The following AFAP1 variants were observed in gnomAD, a reference collection of about 807,000 sequenced individuals.
AFAP1 encodes the protein actin filament associated protein 1.
A neutral mutation model predicts 93.9 loss-of-function variants in AFAP1; 75 were observed. The observed-to-expected ratio is 0.80, with a 90% CI of 0.66 to 0.97. The LOEUF (loss-of-function observed/expected upper bound fraction) is 0.97. AFAP1 is among the 50% of genes least tolerant of loss of function. The pLI is 0.00. For missense variants in AFAP1, 1,201 were observed against 1,050.8 expected (o/e 1.14, Z -1.98); for synonymous variants, 517 against 430.7 (o/e 1.20, Z -2.48).
chr4:7,803,251 T>C (rs1719214778), intron 9 of AFAP1, among the ~76,000 whole-genome samples: 1 of 152,176 alleles, frequency 6.6e-6, no homozygotes, highest in Non-Finnish European at 1.5e-5. Flanking sequence ...TGCCCAAAAA[T>C]GGCTTCTGAA....
At chr4:7,809,911 T>C (rs887148549) in intron 8 of AFAP1, 148 bp from the exon 9 acceptor site, 27 of 921,866 alleles carry the variant, frequency 2.9e-5, no homozygotes, top group Non-Finnish European at 4.1e-5. Context: ...CTGGCTGGAG[T>C]GCAGTGTTGT....
At chr4:7,913,438 G>T (rs1207689228) in intron 1 of AFAP1, among the ~76,000 whole-genome samples, 1 of 151,808 alleles carries the variant, frequency 6.6e-6, no homozygotes, top group Non-Finnish European at 1.5e-5. Context: ...TTAAAGATGG[G>T]TATTGTCTTT....
At position 7,939,266 on chromosome 4, in the gene AFAP1, G is replaced by C. The variant is rs556299219; in HGVS notation, c.-3+390C>G. 1 of 309,198 alleles carries C rather than the reference G, an allele frequency of 3.2e-6. No individual in the cohort carries two copies. The highest frequency in any genetic ancestry group is 2.4e-5 in the South Asian group (1 of 40,986). 19.2% of individuals were successfully genotyped at this position (309,198 alleles called of 1,614,324 possible). On this transcript the variant is annotated intron_variant, in intron 1 of 17. Coordinates refer to ENST00000420658, the MANE Select transcript of AFAP1 (RefSeq NM_001134647.2). The surrounding 1 kb of genome is among the most constrained non-coding windows in gnomAD (Gnocchi z 5.6). Reference sequence around the variant, plus strand: ...AGTCGGACGAAGCAGTCTCGCTACGGGGGAGGGCGGCGGAGCCTCCCACTC... The same window carrying C: ...AGTCGGACGAAGCAGTCTCGCTACGCGGGAGGGCGGCGGAGCCTCCCACTC...
chr4:7,873,297 G>A (rs1456105810), intron 1 of AFAP1, among the ~76,000 whole-genome samples: 1 of 133,048 alleles, frequency 7.5e-6, no homozygotes, highest in African/African-American at 2.8e-5. Context: ...TGAGAAAGCA[G>A]TAAAAAATAA....
At chr4:7,846,248 C>T (rs995888987) in intron 4 of AFAP1, among the ~76,000 whole-genome samples, 40 of 152,158 alleles carry the variant, frequency 2.6e-4, no homozygotes, top group African/African-American at 9.4e-4. Flanking sequence ...ACACAGATGG[C>T]TTCTTTATGA....
chr4:7,825,569 CG>C (rs552711056), intron 6 of AFAP1, among the ~76,000 whole-genome samples: 131 of 151,982 alleles, frequency 8.6e-4, no homozygotes, highest in African/African-American at 3.0e-3. Flanking sequence ...AATATCAAAA[CG>C]TAGAGGGTGC....
chr4:7,871,408 A>T (rs1717026556), intron 2 of AFAP1, among the ~76,000 whole-genome samples: 1 of 152,208 alleles, frequency 6.6e-6, no homozygotes, highest in Non-Finnish European at 1.5e-5. Flanking sequence ...GGGTGCCTAG[A>T]GGACCGGACC....
intron 12 of AFAP1, among the ~76,000 whole-genome samples, chr4:7,785,880 T>C (rs1345989074): frequency 6.6e-6 from 1 of 152,140 alleles, no homozygotes; most frequent in Non-Finnish European, 1.5e-5. Flanking sequence ...TGAGCTATAG[T>C]GAGTTGTGAC....
intron 17 of AFAP1, among the ~76,000 whole-genome samples, chr4:7,766,022 C>T (rs1476209257): frequency 2.6e-5 from 4 of 152,224 alleles, no homozygotes; most frequent in African/African-American, 7.2e-5. Context: ...GTACACTGCA[C>T]GTCTCCGCAT....
intron 9 of AFAP1, among the ~76,000 whole-genome samples, chr4:7,809,237 C>T (rs1160982132): frequency 6.7e-6 from 1 of 149,496 alleles, no homozygotes; most frequent in East Asian, 2.0e-4. Flanking sequence ...AGTTTTATCA[C>T]TTTGCCCAAG....
chr4:7,867,418 G>T (rs185113117), intron 3 of AFAP1, among the ~76,000 whole-genome samples: 42 of 152,292 alleles, frequency 2.8e-4, no homozygotes, highest in African/African-American at 9.9e-4. Flanking sequence ...GAAGCAGGCG[G>T]CCTTCCTCCT....
At chr4:7,901,424 G>C (rs2385910) in intron 1 of AFAP1, among the ~76,000 whole-genome samples, 69,615 of 152,116 alleles carry the variant, frequency 0.46, 18,300 homozygotes, top group Non-Finnish European at 0.61. Context: ...GGCTCTCACT[G>C]TGCGGAATTA....
At chr4:7,800,022 A>G (rs888933811) in intron 10 of AFAP1, among the ~76,000 whole-genome samples, 1 of 152,204 alleles carries the variant, frequency 6.6e-6, no homozygotes, top group Non-Finnish European at 1.5e-5. Flanking sequence ...ATTCCAAAGG[A>G]AACATTTACC....
Position 7,843,298 on chromosome 4 carries a change from C to T in AFAP1, c.387G>A (p.Glu129=). The change falls in exon 5 of 18, where the codon GAG becomes GAA. Residue 129 remains glutamate (E), a synonymous_variant. Coordinates refer to ENST00000420658, the MANE Select transcript of AFAP1 (RefSeq NM_001134647.2). ...SSSYESYDEE[E]EDGKGKKTRH... is the part of the protein sequence containing the mutation. The stretch of plus-strand genomic sequence containing the variant: ...GGGTTTTCTTCCCCTTCCCATCCTC[C>T]TCCTCTTCATCATACGACTCATAAG... 6.2e-7 allele frequency: 1 copy of T among 1,614,146 alleles called. No individual in the cohort carries two copies. The highest frequency in any genetic ancestry group is 8.5e-7 in the Non-Finnish European group (1 of 1,180,020).
chr4:7,800,374 T>C, intron 10 of AFAP1, 68 bp downstream of exon 10: 40 of 1,524,948 alleles, frequency 2.6e-5, no homozygotes, highest in Non-Finnish European at 3.5e-5. Context: ...GAGTCAGCAT[T>C]CGCCTTTTGA....
chr4:7,771,025 C>T (rs958435858), intron 16 of AFAP1, among the ~76,000 whole-genome samples: 2 of 152,258 alleles, frequency 1.3e-5, no homozygotes, highest in Non-Finnish European at 2.9e-5. Context: ...CAAGGCACCT[C>T]CTAGCCCTTG....
intron 8 of AFAP1, among the ~76,000 whole-genome samples, chr4:7,814,650 G>C (rs138010479): frequency 3.9e-4 from 60 of 152,332 alleles, no homozygotes; most frequent in African/African-American, 1.3e-3. Flanking sequence ...CGTGCTGAGT[G>C]AAAGAAGCCA....
At chr4:7,779,047 C>T in intron 13 of AFAP1, 171 bp from the exon 14 acceptor site, 1 of 596,258 alleles carries the variant, frequency 1.7e-6, no homozygotes, top group Non-Finnish European at 2.9e-6. Context: ...AAACACTGGG[C>T]TGCTGGGATT....
At chr4:7,917,360 A>G (rs973594070) in intron 1 of AFAP1, among the ~76,000 whole-genome samples, 2 of 152,162 alleles carry the variant, frequency 1.3e-5, no homozygotes, top group South Asian at 4.1e-4. Context: ...GTGTACATAT[A>G]TATTTGTAGG....
Sources: gnomAD v4.1 joint callset for allele counts (sites outside exome capture counted in the v4.1 genomes callset) on GRCh38, gnomAD v4.1.1 for gene constraint, Gnocchi (gnomAD v3.1) non-coding constraint, MANE v1.5 for transcripts, NCBI Gene and HGNC (gene_info 2026-07-23, HGNC 2026-07-21) for gene names.